Variants in L3MBTL4 observed in about 807,000 individuals in gnomAD.
The protein encoded by L3MBTL4 is lethal(3)malignant brain tumor-like protein 4.
Under a neutral mutation model 84.5 loss-of-function variants are expected in L3MBTL4, and 70 were observed. The ratio of observed to expected loss-of-function variants is 0.83; its 90% confidence interval spans 0.68 to 1.01. The LOEUF is 1.01. L3MBTL4 is among the 50% of genes least tolerant of loss of function. L3MBTL4 has a pLI of 0.00. For synonymous variants in L3MBTL4, 274 were observed against 259.8 expected (o/e 1.05, Z -0.52); for missense variants, 715 against 754.8 (o/e 0.95, Z 0.62).
At chr18:6,195,761 G>A (rs1486340216) in intron 12 of L3MBTL4, among the ~76,000 whole-genome samples, 1 of 152,212 alleles carries the variant, frequency 6.6e-6, no homozygotes, top group African/African-American at 2.4e-5. Flanking sequence ...GCAGCTGTCT[G>A]TTGCTTATCT....
chr18:6,290,159 T>C (rs1450317246), intron 4 of L3MBTL4, among the ~76,000 whole-genome samples: 5 of 152,132 alleles, frequency 3.3e-5, no homozygotes, highest in Non-Finnish European at 5.9e-5. Flanking sequence ...CAAACGATCC[T>C]ACCACCTGGA....
chr18:5,995,999 C>A (rs1163525668), intron 16 of L3MBTL4, among the ~76,000 whole-genome samples: 1 of 152,208 alleles, frequency 6.6e-6, no homozygotes, highest in Non-Finnish European at 1.5e-5. Flanking sequence ...GCGTGTGTGG[C>A]TGCAGTATTG....
intron 12 of L3MBTL4, among the ~76,000 whole-genome samples, chr18:6,180,329 C>A (rs561414471): frequency 6.6e-6 from 1 of 152,010 alleles, no homozygotes; most frequent in African/African-American, 2.4e-5. Flanking sequence ...GAAATATGCC[C>A]CCAATTTCCA....
intron 4 of L3MBTL4, among the ~76,000 whole-genome samples, chr18:6,298,385 C>A (rs1198404035): frequency 6.6e-6 from 1 of 152,066 alleles, no homozygotes; most frequent in East Asian, 1.9e-4. Context: ...TTGTGTATCT[C>A]ATTATTTTTT....
intron 4 of L3MBTL4, among the ~76,000 whole-genome samples, chr18:6,266,258 C>A (rs751860808): frequency 2.0e-5 from 3 of 152,170 alleles, no homozygotes; most frequent in African/African-American, 7.2e-5. Flanking sequence ...TGGAAAGAAA[C>A]AGCAGAATAC....
In L3MBTL4 at chr18:6,213,224, A is replaced by G; in HGVS notation, c.906T>C (p.Leu302=). 6.2e-7 allele frequency: 1 copy of G among 1,610,704 alleles called. No individual in the cohort carries two copies. Among genetic ancestry groups the G allele is most frequent in the South Asian group, 1.1e-5 (1 of 89,926 alleles). Residue 302 remains leucine, a synonymous_variant, in exon 12 of 19, where the codon CTT becomes CTC. Coordinates refer to ENST00000317931, the MANE Select transcript of L3MBTL4 (RefSeq NM_001330559.2). The part of the protein sequence containing the change: ...LPHGFLPNMK[L]EVVDKRNPRL... ...TGGGGTTCCGTTTATCCACAACTTC[A>G]AGTTTCATATTTGGCAGAAAACCAT...
intron 16 of L3MBTL4, among the ~76,000 whole-genome samples, chr18:5,985,432 C>T (rs2053423652): frequency 6.6e-6 from 1 of 152,074 alleles, no homozygotes; most frequent in Admixed American, 6.5e-5. Context: ...CCTCCATGGC[C>T]CAACACTCAG....
intron 1 of L3MBTL4, among the ~76,000 whole-genome samples, chr18:6,362,157 AG>A (rs1568554815): frequency 2.2e-4 from 25 of 112,680 alleles, no homozygotes; most frequent in African/African-American, 8.9e-4. Context: ...GAGGGGGGGA[AG>A]AGAAGGAAGG....
At chr18:5,983,432 A>G (rs1416369345) in intron 16 of L3MBTL4, among the ~76,000 whole-genome samples, 2 of 152,060 alleles carry the variant, frequency 1.3e-5, no homozygotes, top group Non-Finnish European at 2.9e-5. Context: ...TGAAACCCCA[A>G]CACAACCCTT....
intron 14 of L3MBTL4, among the ~76,000 whole-genome samples, chr18:6,118,258 C>T (rs1313504488): frequency 1.4e-5 from 2 of 144,696 alleles, no homozygotes; most frequent in Non-Finnish European, 3.0e-5. Context: ...GCTACTCCCT[C>T]TTGCTGGAAT....
chr18:6,159,217 G>A (rs562230398), intron 13 of L3MBTL4, among the ~76,000 whole-genome samples: 181 of 152,242 alleles, frequency 1.2e-3, no homozygotes, highest in Non-Finnish European at 2.3e-3. Context: ...CATAGGCCTC[G>A]CCCCAGGTTG....
intron 1 of L3MBTL4, among the ~76,000 whole-genome samples, chr18:6,358,340 C>CA (rs2143940604): frequency 6.6e-6 from 1 of 152,282 alleles, no homozygotes; most frequent in African/African-American, 2.4e-5. Context: ...GAGACAAGGT[C>CA]ACGCAGCTAG....
chr18:6,390,039 T>A (rs341212), intron 1 of L3MBTL4, among the ~76,000 whole-genome samples: 40,506 of 151,966 alleles, frequency 0.27, 5,988 homozygotes, highest in Middle Eastern at 0.38. Flanking sequence ...AGACAGACCA[T>A]ATGATAGGCC....
intron 16 of L3MBTL4, among the ~76,000 whole-genome samples, chr18:6,071,301 G>C (rs1341493965): frequency 6.6e-6 from 1 of 150,380 alleles, no homozygotes; most frequent in African/African-American, 2.4e-5. Context: ...TGAGGCATCA[G>C]AATCACTTGA....
At chr18:6,180,822 C>T (rs967793897) in intron 12 of L3MBTL4, among the ~76,000 whole-genome samples, 10 of 152,162 alleles carry the variant, frequency 6.6e-5, no homozygotes, top group African/African-American at 2.4e-4. Context: ...TTTTTCCATG[C>T]TTGTATGCCA....
intron 1 of L3MBTL4, among the ~76,000 whole-genome samples, chr18:6,345,215 C>CAAAAAAAAAAAAAAAAAAAA (rs35502624): frequency 2.9e-4 from 11 of 38,460 alleles, no homozygotes; most frequent in East Asian, 7.1e-4. Flanking sequence ...TACTAAAATA[C>CAAAAAAAAAAAAAAAAAAAA]AAAAAAAAAA....
At chr18:6,151,462 G>A (rs149679375) in intron 13 of L3MBTL4, among the ~76,000 whole-genome samples, 5,005 of 152,136 alleles carry the variant, frequency 0.033, 112 homozygotes, top group Middle Eastern at 0.12. Flanking sequence ...GCACGATCTC[G>A]ACTCACTGCA....
intron 5 of L3MBTL4, among the ~76,000 whole-genome samples, chr18:6,254,739 A>G (rs911777581): frequency 1.8e-4 from 27 of 152,284 alleles, no homozygotes; most frequent in African/African-American, 6.0e-4. Flanking sequence ...CTTTCTGTGA[A>G]TCCATTCTGC....
chr18:6,282,100 T>C (rs16949779), intron 4 of L3MBTL4, among the ~76,000 whole-genome samples: 26,895 of 152,136 alleles, frequency 0.18, 2,443 homozygotes, highest in East Asian at 0.23. Context: ...TGCTTCTCCA[T>C]GAGTCTAAAC....
Sources: allele counts gnomAD v4.1 joint callset (sites outside exome capture counted in the v4.1 genomes callset), GRCh38; gene constraint gnomAD v4.1.1; transcripts MANE v1.5; gene names NCBI Gene and HGNC (gene_info 2026-07-23, HGNC 2026-07-21).